Variants in FBN2 observed in about 807,000 individuals in gnomAD.
FBN2 encodes the protein fibrillin 2.
In FBN2, 105 loss-of-function variants were observed where a neutral mutation model predicts 355.6. The observed-to-expected ratio is 0.30, with a 90% CI of 0.25 to 0.35. The LOEUF is 0.35. Ranked by LOEUF, FBN2 falls within the 10% of genes least tolerant of loss-of-function variation. FBN2 has a pLI of 1.00. For missense variants in FBN2, 3,280 were observed against 3,758.7 expected, an observed-to-expected ratio of 0.87 and a Z score of 3.33; for synonymous variants, 1,350 against 1,301.2, an observed-to-expected ratio of 1.04 and a Z score of -0.81.
At chr5:128,260,537 A>C (rs901649928) in intron 64 of FBN2, among the ~76,000 whole-genome samples, 1 of 152,252 alleles carries the variant, frequency 6.6e-6, no homozygotes, top group Non-Finnish European at 1.5e-5. Context: ...AGGACTTGGC[A>C]GTGGTGACCC....
intron 34 of FBN2, 161 bp downstream of exon 34, chr5:128,328,532 CATT>C: frequency 1.3e-6 from 1 of 773,194 alleles, no homozygotes; most frequent in South Asian, 1.5e-5. Context: ...CCGCCATCAT[CATT>C]ATTCATTCGG....
chr5:128,303,155 T>G, intron 45 of FBN2, 66 bp from the exon 46 acceptor site: 3 of 898,114 alleles, frequency 3.3e-6, no homozygotes, highest in Non-Finnish European at 3.8e-6. Flanking sequence ...ATTAACCGTT[T>G]TATATGTTTA....
At chr5:128,322,178 A>G (rs1229829766) in intron 34 of FBN2, among the ~76,000 whole-genome samples, 1 of 151,822 alleles carries the variant, frequency 6.6e-6, no homozygotes, top group Non-Finnish European at 1.5e-5. Flanking sequence ...CAGATTCTGG[A>G]TATTAGCCCT....
intron 5 of FBN2, among the ~76,000 whole-genome samples, chr5:128,488,592 C>A (rs1262745633): frequency 6.6e-6 from 1 of 151,868 alleles, no homozygotes; most frequent in Non-Finnish European, 1.5e-5. Flanking sequence ...TGCTGGTGTG[C>A]TGTGCCCATT....
chr5:128,262,412 C>A (rs1387387098), intron 63 of FBN2, among the ~76,000 whole-genome samples: 1 of 152,140 alleles, frequency 6.6e-6, no homozygotes, highest in African/African-American at 2.4e-5. Flanking sequence ...CAGCAAAATT[C>A]TTCTGAGGGT....
At chr5:128,339,697 GA>G (rs1473833816) in intron 25 of FBN2, among the ~76,000 whole-genome samples, 1 of 152,216 alleles carries the variant, frequency 6.6e-6, no homozygotes, top group Non-Finnish European at 1.5e-5. Flanking sequence ...CCCATGGAAT[GA>G]AACCTCATGT....
At chr5:128,344,768 T>C (rs1384202147) in intron 24 of FBN2, among the ~76,000 whole-genome samples, 1 of 151,908 alleles carries the variant, frequency 6.6e-6, no homozygotes, top group Non-Finnish European at 1.5e-5. Context: ...TGGCACAATC[T>C]TGGCTCACTG....
At chr5:128,446,985 C>T (rs1490381175) in intron 6 of FBN2, among the ~76,000 whole-genome samples, 1 of 152,206 alleles carries the variant, frequency 6.6e-6, no homozygotes. Flanking sequence ...CCTGTCTTTA[C>T]TGCAATCTCT....
intron 41 of FBN2, among the ~76,000 whole-genome samples, 187 bp downstream of exon 41, chr5:128,309,060 A>G (rs1037320408): frequency 6.6e-6 from 1 of 152,228 alleles, no homozygotes; most frequent in African/African-American, 2.4e-5. Flanking sequence ...TATCCAACAT[A>G]ATGTCTCAGA....
intron 6 of FBN2, among the ~76,000 whole-genome samples, chr5:128,460,067 A>G (rs999056079): frequency 4.6e-5 from 7 of 152,196 alleles, no homozygotes; most frequent in Admixed American, 3.9e-4. Context: ...AGAAAACCGC[A>G]TCATCTCAGC....
intron 6 of FBN2, among the ~76,000 whole-genome samples, chr5:128,449,778 G>A (rs931776182): frequency 1.3e-5 from 2 of 151,630 alleles, no homozygotes; most frequent in African/African-American, 4.8e-5. Context: ...TAAAAAGCAA[G>A]ACTCAATTTT....
At chr5:128,376,983 T>TA (rs1161609169) in intron 13 of FBN2, 130 bp from the exon 14 acceptor site, 25 of 1,154,038 alleles carry the variant, frequency 2.2e-5, no homozygotes, top group Non-Finnish European at 3.0e-5. Flanking sequence ...TAGTTTTTTT[T>TA]AAAAAAAGAA....
chr5:128,305,005 T>A lies in FBN2; in HGVS notation c.5752A>T (p.Ile1918Phe), dbSNP rs780229106. The change falls in exon 45 of 65, where the codon ATC becomes TTC. Residue 1918 changes from isoleucine to phenylalanine, a missense_variant. Ile to Phe is a conservative substitution (Grantham distance 21). Coordinates refer to ENST00000262464, the MANE Select transcript of FBN2 (RefSeq NM_001999.4). ...GAAGCCTTAAAGCCATTGTGGCAGA[T>A]GCACTGGTAACTTCCTTGCAGATCA... ...CVDLQGSYQC[I>F]CHNGFKASQD... The A allele has an allele frequency of 6.2e-7, 1 of 1,613,992 alleles. No individual in the cohort carries two copies. The highest frequency in any genetic ancestry group is 1.1e-5 in the South Asian group (1 of 91,088).
chr5:128,482,964 T>C (rs890283586), intron 5 of FBN2, among the ~76,000 whole-genome samples: 7 of 152,130 alleles, frequency 4.6e-5, no homozygotes, highest in South Asian at 4.1e-4. Flanking sequence ...CAATGCTGAA[T>C]TGGATAAAGA....
intron 58 of FBN2, 112 bp from the exon 59 acceptor site, chr5:128,276,272 T>G: frequency 9.1e-7 from 1 of 1,100,236 alleles, no homozygotes; most frequent in Non-Finnish European, 1.4e-6. Flanking sequence ...CAACTTAAAG[T>G]GGAATATAGC....
At chr5:128,481,737 C>T (rs186094343) in intron 5 of FBN2, among the ~76,000 whole-genome samples, 84 of 152,098 alleles carry the variant, frequency 5.5e-4, no homozygotes, top group African/African-American at 2.0e-3. Flanking sequence ...TCTTCTGTCC[C>T]TAATTATTTA....
chr5:128,434,406 A>G (rs1393077342), intron 7 of FBN2, among the ~76,000 whole-genome samples: 1 of 105,162 alleles, frequency 9.5e-6, no homozygotes, highest in Non-Finnish European at 2.1e-5. Flanking sequence ...ATATATATAT[A>G]TATATATATA....
intron 7 of FBN2, among the ~76,000 whole-genome samples, chr5:128,434,883 G>C (rs1753735218): frequency 6.6e-6 from 1 of 152,022 alleles, no homozygotes. Context: ...GGGTAGAATA[G>C]GTTTTCCTAT....
At chr5:128,425,139 T>C (rs1753453517) in intron 7 of FBN2, among the ~76,000 whole-genome samples, 1 of 152,072 alleles carries the variant, frequency 6.6e-6, no homozygotes, top group African/African-American at 2.4e-5. Context: ...AACTTAAAAC[T>C]TAAAACATAG....
Sources: gnomAD v4.1 joint callset for allele counts (sites outside exome capture counted in the v4.1 genomes callset) on GRCh38, gnomAD v4.1.1 for gene constraint, MANE v1.5 for transcripts, NCBI Gene and HGNC (gene_info 2026-07-23, HGNC 2026-07-21) for gene names.